Variants in ATG7 observed in about 807,000 individuals in gnomAD.
ATG7 encodes ubiquitin-like modifier-activating enzyme ATG7.
A neutral mutation model predicts 82.4 loss-of-function variants in ATG7; 70 were observed. The observed-to-expected ratio is 0.85, with a 90% CI of 0.70 to 1.04. ATG7 has a LOEUF of 1.04. Ranked by LOEUF, ATG7 falls within the 50% of genes least tolerant of loss-of-function variation. The probability of loss-of-function intolerance (pLI) is 0.00; values close to 1 mark genes in which losing one functional copy is unlikely to be tolerated. For missense variants in ATG7, 792 were observed against 864.3 expected, an observed-to-expected ratio of 0.92 and a Z score of 1.05; for synonymous variants, 287 against 313.0, an observed-to-expected ratio of 0.92 and a Z score of 0.88.
chr3:11,481,043 C>T lies in ATG7; in HGVS notation c.2079+54117C>T, dbSNP rs184002854. On this transcript the variant is annotated intron_variant, in intron 20 of 20. Transcript: ENST00000693202. ...TCTTCAGTTGTGGAAAAAATGTACT[C>T]CCTTTAATGTCTTATTTATGTAATA... Among the ~76,000 whole-genome samples, 5 of 152,344 alleles carry T rather than the reference C, an allele frequency of 3.3e-5. No individual in the cohort carries two copies. The East Asian group carries it at 9.6e-4, about 29-fold the overall frequency.
intron 15 of ATG7, among the ~76,000 whole-genome samples, chr3:11,359,548 T>G (rs1488985634): frequency 6.6e-6 from 1 of 151,736 alleles, no homozygotes. Flanking sequence ...AACAAAAAAT[T>G]AGCTAGGTGT....
intron 19 of ATG7, among the ~76,000 whole-genome samples, chr3:11,391,010 G>A (rs1013937741): frequency 3.9e-5 from 6 of 152,174 alleles, no homozygotes; most frequent in African/African-American, 1.4e-4. Flanking sequence ...CATGAAGTTG[G>A]AATAAGAGCT....
At chr3:11,504,232 A>C (rs1157771586) in intron 20 of ATG7, among the ~76,000 whole-genome samples, 1 of 152,242 alleles carries the variant, frequency 6.6e-6, no homozygotes, top group African/African-American at 2.4e-5. Flanking sequence ...GAAACTGGAA[A>C]TCAATGCAAC....
chr3:11,477,082 A>C, intron 20 of ATG7: 15 of 1,263,880 alleles, frequency 1.2e-5, no homozygotes, highest in South Asian at 1.2e-5. Context: ...GCAATCAGTT[A>C]TTGCAGCAAT....
intron 20 of ATG7, among the ~76,000 whole-genome samples, chr3:11,457,688 T>A (rs2085876190): frequency 6.6e-6 from 1 of 152,146 alleles, no homozygotes; most frequent in Admixed American, 6.5e-5. Flanking sequence ...ACAGATCAAT[T>A]TCAATTTGTG....
intron 11 of ATG7, among the ~76,000 whole-genome samples, chr3:11,335,820 C>T (rs909541874): frequency 2.6e-5 from 4 of 152,172 alleles, no homozygotes; most frequent in Admixed American, 6.5e-5. Flanking sequence ...GACTCAGCCT[C>T]CCGAGTGGCT....
chr3:11,549,143 T>C (rs2071549523), intron 20 of ATG7, among the ~76,000 whole-genome samples: 1 of 152,182 alleles, frequency 6.6e-6, no homozygotes. Context: ...GTTTGTTGAG[T>C]TGTGACAAAT....
At chr3:11,452,039 G>A (rs1454100794) in intron 20 of ATG7, among the ~76,000 whole-genome samples, 1 of 151,950 alleles carries the variant, frequency 6.6e-6, no homozygotes, top group Non-Finnish European at 1.5e-5. Context: ...GTTGTGGGAG[G>A]GAAATAGGGA....
intron 3 of ATG7, among the ~76,000 whole-genome samples, chr3:11,290,979 G>A (rs1156753197): frequency 6.6e-6 from 1 of 152,148 alleles, no homozygotes; most frequent in African/African-American, 2.4e-5. Context: ...ACTTCACCCG[G>A]CCATGTCTGT....
At chr3:11,545,322 TG>T (rs2071183484) in intron 20 of ATG7, among the ~76,000 whole-genome samples, 1 of 152,110 alleles carries the variant, frequency 6.6e-6, no homozygotes, top group Non-Finnish European at 1.5e-5. Context: ...GCCCTGTGGG[TG>T]GAACAGTGCC....
At chr3:11,486,820 GTTTTTTTTT>G (rs34251925) in intron 20 of ATG7, among the ~76,000 whole-genome samples, 2 of 131,994 alleles carry the variant, frequency 1.5e-5, no homozygotes, top group African/African-American at 2.9e-5. Context: ...CTTTGGTTCT[GTTTTTTTTT>G]TTTTTTTTTT....
At chr3:11,433,264 A>G (rs2083068927) in intron 20 of ATG7, among the ~76,000 whole-genome samples, 1 of 143,340 alleles carries the variant, frequency 7.0e-6, no homozygotes, top group Admixed American at 7.3e-5. Flanking sequence ...AGCCTGGGTG[A>G]CAGAGCAAGA....
At chr3:11,550,684 G>C (rs970790625) in intron 20 of ATG7, among the ~76,000 whole-genome samples, 3 of 152,066 alleles carry the variant, frequency 2.0e-5, no homozygotes, top group Non-Finnish European at 4.4e-5. Flanking sequence ...AGGCATGCCT[G>C]GCCTCTCTTC....
At chr3:11,525,607 T>C (rs2092560070) in intron 20 of ATG7, among the ~76,000 whole-genome samples, 2 of 148,484 alleles carry the variant, frequency 1.3e-5, no homozygotes, top group Admixed American at 6.9e-5. Context: ...CAGGCTGGAG[T>C]GCAGTGGCGT....
intron 1 of ATG7, among the ~76,000 whole-genome samples, chr3:11,277,745 A>G (rs1458435090): frequency 6.6e-6 from 1 of 152,174 alleles, no homozygotes. Flanking sequence ...ACAGGGTTCG[A>G]GAGCAGAGAA....
At chr3:11,368,229 TAA>T (rs760208581) in intron 18 of ATG7, among the ~76,000 whole-genome samples, 41 of 109,330 alleles carry the variant, frequency 3.8e-4, no homozygotes, top group African/African-American at 1.1e-3. Flanking sequence ...TTCTTTTACT[TAA>T]AAAAAAAAAA....
At chr3:11,568,285 G>A in the ATG7 span, among the ~76,000 whole-genome samples, 1 of 152,228 alleles carries the variant, frequency 6.6e-6, no homozygotes, top group Non-Finnish European at 1.5e-5. This position sits in a 1 kb window ranked among gnomAD's most constrained non-coding sequence, Gnocchi z 5.9. Flanking sequence ...AGATGACTCA[G>A]CTGCGCCTTA....
intron 20 of ATG7, among the ~76,000 whole-genome samples, chr3:11,552,849 G>A (rs1350126651): frequency 6.6e-6 from 1 of 152,158 alleles, no homozygotes; most frequent in Non-Finnish European, 1.5e-5. Flanking sequence ...CAGTGTGGCT[G>A]AGCACCTATG....
intron 16 of ATG7, among the ~76,000 whole-genome samples, chr3:11,362,221 T>G (rs750802293): frequency 6.6e-5 from 10 of 152,172 alleles, no homozygotes; most frequent in Non-Finnish European, 1.5e-4. Context: ...GGTTAGACTC[T>G]CTTTGGTTGA....
Sources: allele counts gnomAD v4.1 joint callset (sites outside exome capture counted in the v4.1 genomes callset), GRCh38; gene constraint gnomAD v4.1.1; non-coding constraint Gnocchi (gnomAD v3.1); transcripts MANE v1.5; gene names NCBI Gene and HGNC (gene_info 2026-07-23, HGNC 2026-07-21).